PTTG1IP2: variants seen among roughly 807,000 people sequenced by gnomAD.
PTTG1IP2 encodes PTTG1IP family member 2.
chr7:90,492,494 G>A (rs1797949655), intron 5 of PTTG1IP2, among the ~76,000 whole-genome samples, 185 bp downstream of exon 5: 2 of 152,144 alleles, frequency 1.3e-5, no homozygotes, highest in Admixed American at 6.5e-5. Flanking sequence ...TGAGGTTATG[G>A]TGAACACATT....
intron 6 of PTTG1IP2, among the ~76,000 whole-genome samples, chr7:90,506,924 T>C (rs1798130652): frequency 6.6e-6 from 1 of 152,226 alleles, no homozygotes; most frequent in Admixed American, 6.5e-5. Context: ...TGTGGTATTT[T>C]TTACTGATCT....
At chr7:90,480,486 T>C (rs750357186) in intron 2 of PTTG1IP2, among the ~76,000 whole-genome samples, 1 of 152,150 alleles carries the variant, frequency 6.6e-6, no homozygotes, top group Non-Finnish European at 1.5e-5. Context: ...GCCATCTTGG[T>C]CAATTTTTTT....
intron 6 of PTTG1IP2, among the ~76,000 whole-genome samples, chr7:90,497,057 T>C (rs972074326): frequency 6.6e-6 from 1 of 152,262 alleles, no homozygotes; most frequent in Non-Finnish European, 1.5e-5. Flanking sequence ...AGATACCTGA[T>C]ATGATTTAAA....
At chr7:90,502,977 C>T (rs1798076607) in intron 6 of PTTG1IP2, among the ~76,000 whole-genome samples, 1 of 152,140 alleles carries the variant, frequency 6.6e-6, no homozygotes, top group Non-Finnish European at 1.5e-5. Flanking sequence ...GCCATGATAG[C>T]CCTGGATGGC....
At chr7:90,496,215 A>G (rs1245097026) in intron 6 of PTTG1IP2, among the ~76,000 whole-genome samples, 1 of 152,182 alleles carries the variant, frequency 6.6e-6, no homozygotes, top group Non-Finnish European at 1.5e-5. Context: ...AGAAGAGTTG[A>G]GAAGGATTGG....
chr7:90,484,922 A>C (rs1384335623), intron 2 of PTTG1IP2, among the ~76,000 whole-genome samples: 1 of 152,216 alleles, frequency 6.6e-6, no homozygotes, highest in Non-Finnish European at 1.5e-5. Context: ...CAAGGGGCTG[A>C]CTGCCAGCAG....
intron 6 of PTTG1IP2, among the ~76,000 whole-genome samples, chr7:90,510,542 C>T (rs141702242): frequency 6.6e-6 from 1 of 152,146 alleles, no homozygotes; most frequent in Non-Finnish European, 1.5e-5. Context: ...TGTATGTTTG[C>T]CTGTGTCTAT....
At position 90,485,286 on chromosome 7, in the gene PTTG1IP2, A is replaced by C. The variant is rs372738475; in HGVS notation, c.193-2041A>C. ...TCCATCCATCCCCATATTTTCCTAA[A>C]AATGCTCCTGGCAAAATAATGCAAC... On this transcript the variant is annotated intron_variant, in intron 2 of 6. Coordinates refer to ENST00000509356, the MANE Select transcript of PTTG1IP2 (RefSeq NM_001365443.2). Among the ~76,000 whole-genome samples, 11 of 152,274 alleles carry C rather than the reference A, an allele frequency of 7.2e-5. No homozygotes were observed. The East Asian group carries it at 2.1e-3, about 29-fold the overall frequency.
chr7:90,495,345 C>T (rs776729627), intron 6 of PTTG1IP2, among the ~76,000 whole-genome samples: 24 of 152,184 alleles, frequency 1.6e-4, no homozygotes, highest in Non-Finnish European at 2.8e-4. Context: ...TAAAGTTCAT[C>T]CTACCCAACA....
intron 1 of PTTG1IP2, among the ~76,000 whole-genome samples, chr7:90,477,118 A>G (rs1797756870): frequency 6.6e-6 from 1 of 152,236 alleles, no homozygotes; most frequent in Non-Finnish European, 1.5e-5. Context: ...CGATGTTCTA[A>G]GAGAGCTAGG....
At chr7:90,511,274 C>T (rs150186928) in intron 6 of PTTG1IP2, among the ~76,000 whole-genome samples, 153 of 152,246 alleles carry the variant, frequency 1.0e-3, no homozygotes, top group African/African-American at 3.6e-3. Context: ...GGATAGCCCC[C>T]AGAAACAGAT....
chr7:90,499,390 T>C (rs768542053), intron 6 of PTTG1IP2, among the ~76,000 whole-genome samples: 10 of 152,176 alleles, frequency 6.6e-5, no homozygotes, highest in Non-Finnish European at 1.2e-4. Context: ...TCTTCCTATG[T>C]GTCCTTGTTT....
rs544081393 is a variant in PTTG1IP2, at chr7:90,489,340, C to T, written c.380+376C>T. ...GCAGAAAAATTTATCTTGCACTATA[C>T]ACATTTTTTTTGCTATTAGTAGGTA... On this transcript the variant is annotated intron_variant, in intron 4 of 6. Transcript: ENST00000509356. Among the ~76,000 whole-genome samples the T allele has an allele frequency of 3.3e-5, 5 of 151,824 alleles. No homozygotes were observed. The South Asian group carries it at 8.3e-4, about 25-fold the overall frequency.
intron 2 of PTTG1IP2, among the ~76,000 whole-genome samples, chr7:90,486,232 T>A (rs181128114): frequency 6.6e-6 from 1 of 152,300 alleles, no homozygotes; most frequent in East Asian, 1.9e-4. Flanking sequence ...AGAGCCATGC[T>A]ACTTAGGTTA....
chr7:90,506,225 T>C (rs1472095994), intron 6 of PTTG1IP2, among the ~76,000 whole-genome samples: 1 of 152,142 alleles, frequency 6.6e-6, no homozygotes, highest in Non-Finnish European at 1.5e-5. Context: ...ATTTTTTTTC[T>C]ATTTTCACTT....
intron 4 of PTTG1IP2, among the ~76,000 whole-genome samples, chr7:90,491,825 A>T (rs892988020): frequency 2.0e-5 from 3 of 152,150 alleles, no homozygotes; most frequent in Non-Finnish European, 4.4e-5. Context: ...GAATTTGATA[A>T]TGCAATGATA....
intron 1 of PTTG1IP2, among the ~76,000 whole-genome samples, chr7:90,475,310 C>G (rs177663): frequency 0.95 from 145,387 of 152,316 alleles, 69,426 homozygotes; most frequent in East Asian, 1. Flanking sequence ...AGGATAATTA[C>G]GCCAAGAAGT....
intron 1 of PTTG1IP2, among the ~76,000 whole-genome samples, chr7:90,471,293 G>A (rs563840136): frequency 6.6e-6 from 1 of 152,142 alleles, no homozygotes; most frequent in African/African-American, 2.4e-5. Context: ...CTATGTCCCA[G>A]ATTGTGCCCT....
At chr7:90,485,893 A>G (rs1797869858) in intron 2 of PTTG1IP2, among the ~76,000 whole-genome samples, 1 of 152,070 alleles carries the variant, frequency 6.6e-6, no homozygotes, top group Non-Finnish European at 1.5e-5. Flanking sequence ...AGTACTAACA[A>G]CCAAGGCCAG....
Sources: allele counts gnomAD v4.1 joint callset (sites outside exome capture counted in the v4.1 genomes callset), GRCh38; gene constraint gnomAD v4.1.1; transcripts MANE v1.5; gene names NCBI Gene and HGNC (gene_info 2026-07-23, HGNC 2026-07-21).